The following NIPBL variants were observed in gnomAD, a reference collection of about 807,000 sequenced individuals.
NIPBL encodes the protein nipped-B-like protein.
Under a neutral mutation model 321.8 loss-of-function variants are expected in NIPBL, and 19 were observed. That is an observed-to-expected ratio of 0.06 (90% CI 0.04 to 0.09). NIPBL has a LOEUF of 0.09. Ranked by LOEUF, NIPBL falls within the 10% of genes least tolerant of loss-of-function variation. NIPBL has a pLI of 1.00. For synonymous variants in NIPBL, 1,106 were observed against 1,114.1 expected, an observed-to-expected ratio of 0.99 and a Z score of 0.14; for missense variants, 2,210 against 3,327.0, an observed-to-expected ratio of 0.66 and a Z score of 8.26.
At chr5:36,891,288 T>C (rs1042645729) in intron 1 of NIPBL, among the ~76,000 whole-genome samples, 2 of 151,884 alleles carry the variant, frequency 1.3e-5, no homozygotes, top group East Asian at 3.9e-4. Context: ...GAAAAAGAAA[T>C]AAAAGACTTC....
At chr5:36,935,770 C>T (rs1012894543) in intron 1 of NIPBL, among the ~76,000 whole-genome samples, 9 of 152,182 alleles carry the variant, frequency 5.9e-5, no homozygotes, top group African/African-American at 1.9e-4. Flanking sequence ...TGCCTATTCA[C>T]CTTCCAAAGG....
chr5:37,053,487 TAATAA>T (rs1458436339), intron 42 of NIPBL, among the ~76,000 whole-genome samples: 6 of 152,206 alleles, frequency 3.9e-5, no homozygotes, highest in Admixed American at 2.0e-4. Context: ...ATTAACATAA[TAATAA>T]AATAGAACAA....
chr5:36,912,880 A>G (rs1748155356), intron 1 of NIPBL, among the ~76,000 whole-genome samples: 1 of 152,062 alleles, frequency 6.6e-6, no homozygotes, highest in Admixed American at 6.6e-5. Context: ...TTTACTTTCT[A>G]TTATTGTTTT....
At chr5:36,931,984 T>A (rs1460616285) in intron 1 of NIPBL, among the ~76,000 whole-genome samples, 4 of 152,146 alleles carry the variant, frequency 2.6e-5, no homozygotes, top group Non-Finnish European at 5.9e-5. Flanking sequence ...AAGTTTAATA[T>A]GTTGTGATTT....
chr5:36,977,490 ATTG>A (rs2149630860), intron 9 of NIPBL, among the ~76,000 whole-genome samples: 1 of 152,048 alleles, frequency 6.6e-6, no homozygotes, highest in South Asian at 2.1e-4. Flanking sequence ...GTATTTAGTA[ATTG>A]TTGTACTACA....
intron 25 of NIPBL, among the ~76,000 whole-genome samples, chr5:37,019,939 C>G (rs1749439048): frequency 6.6e-6 from 1 of 152,106 alleles, no homozygotes. Context: ...AAATGGGATA[C>G]TACTAAGCTC....
At chr5:37,062,250 T>TA (rs1359167287) in intron 45 of NIPBL, among the ~76,000 whole-genome samples, 1 of 152,216 alleles carries the variant, frequency 6.6e-6, no homozygotes, top group Non-Finnish European at 1.5e-5. Flanking sequence ...TTCAGAAAAA[T>TA]ACATGGCTTA....
Position 37,064,565 on chromosome 5 carries a change from G to A in NIPBL, c.8088G>A (p.Glu2696=). 2 of 1,614,088 alleles carry A rather than the reference G, an allele frequency of 1.2e-6. No homozygotes were observed. The highest frequency in any genetic ancestry group is 1.7e-6 in the Non-Finnish European group (2 of 1,180,044). Residue 2696 remains glutamate (E), a synonymous_variant, in exon 47 of 47, where the codon GAG becomes GAA. Transcript: ENST00000282516. ...RRSKRNSDST[E]LAAQMNESVD... ...CAAAACGAAATTCAGACTCTACGGA[G>A]TTGGCAGCACAGATGAATGAAAGTG... is the stretch of plus-strand genomic sequence containing the variant.
intron 31 of NIPBL, 139 bp from the exon 32 acceptor site, chr5:37,027,220 C>CTG: frequency 1.5e-6 from 1 of 682,390 alleles, no homozygotes; most frequent in Non-Finnish European, 2.6e-6. Flanking sequence ...GGTTGTGTTA[C>CTG]TGAAAAAATA....
chr5:36,964,930 C>T (rs187786820), intron 6 of NIPBL, among the ~76,000 whole-genome samples: 1 of 152,148 alleles, frequency 6.6e-6, no homozygotes, highest in East Asian at 1.9e-4. Flanking sequence ...CAAAAAATGC[C>T]GAACATCACT....
chr5:36,981,776 C>G (rs1744174190), intron 9 of NIPBL, among the ~76,000 whole-genome samples: 1 of 151,786 alleles, frequency 6.6e-6, no homozygotes, highest in African/African-American at 2.4e-5. Context: ...GGCTCAGCTT[C>G]ACTAATGTTT....
intron 1 of NIPBL, among the ~76,000 whole-genome samples, chr5:36,928,580 T>C (rs2149568769): frequency 6.6e-6 from 1 of 152,346 alleles, no homozygotes; most frequent in South Asian, 2.1e-4. Context: ...CCGCTTAATA[T>C]AAAGTTCACC....
At chr5:36,982,312 C>A in intron 9 of NIPBL, 2 of 681,970 alleles carry the variant, frequency 2.9e-6, no homozygotes, top group Non-Finnish European at 3.6e-6. Context: ...AGACTCATAA[C>A]AAAAGTGGGT....
chr5:36,983,312 T>C (rs917905912), intron 9 of NIPBL, among the ~76,000 whole-genome samples: 3 of 151,890 alleles, frequency 2.0e-5, no homozygotes, highest in East Asian at 1.9e-4. Context: ...TTACAAAATA[T>C]AACTAACAAA....
chr5:36,882,736 C>A (rs959241981), intron 1 of NIPBL, among the ~76,000 whole-genome samples: 1 of 151,984 alleles, frequency 6.6e-6, no homozygotes, highest in African/African-American at 2.4e-5. Flanking sequence ...CACCCTGGCT[C>A]TTCAAAATTT....
At chr5:36,906,192 G>A (rs769886191) in intron 1 of NIPBL, among the ~76,000 whole-genome samples, 7 of 152,012 alleles carry the variant, frequency 4.6e-5, no homozygotes, top group African/African-American at 1.2e-4. Flanking sequence ...CCATTTCTGC[G>A]AATGAAGTAT....
chr5:36,901,033 T>C lies in NIPBL; in HGVS notation c.-80+23855T>C, dbSNP rs541941546. ...TGCGAGTCGCAGGGGGTTTGTTGTATAGATTATTTTGTGACCCAGGTAATG... is the reference window on the plus strand; with the variant it reads ...TGCGAGTCGCAGGGGGTTTGTTGTACAGATTATTTTGTGACCCAGGTAATG... On this transcript the variant is annotated intron_variant, in intron 1 of 46. Coordinates refer to ENST00000282516, the MANE Select transcript of NIPBL (RefSeq NM_133433.4). 1.1e-4 allele frequency among the ~76,000 whole-genome samples: 16 copies of C among 152,246 alleles called. No individual in the cohort carries two copies. In the South Asian group the frequency reaches 3.3e-3, roughly 32 times the overall value.
In NIPBL at chr5:36,984,825, G is replaced by C. The variant is rs1386190621; in HGVS notation, c.1645G>C (p.Gly549Arg). 1 of 1,613,864 alleles carries C rather than the reference G, an allele frequency of 6.2e-7. No homozygotes were observed. Among genetic ancestry groups the C allele is most frequent in the Non-Finnish European group, 8.5e-7 (1 of 1,179,852 alleles). The change falls in exon 10 of 47, where the codon GGA becomes CGA. Residue 549 changes from glycine (G) to arginine (R), a missense_variant. Gly to Arg is a moderately radical substitution (Grantham distance 125). Around this residue, in one of 14 missense-constraint regions of NIPBL, gnomAD observed 588 missense variants for 564.1 expected, o/e 1.04. Coordinates refer to ENST00000282516, the MANE Select transcript of NIPBL (RefSeq NM_133433.4). ...LMVSIDLHQAGRVDSQASITQ... is the reference protein window; with the variant it reads ...LMVSIDLHQARRVDSQASITQ... ...GGTTAGCATTGATCTTCATCAGGCA[G>C]GAAGAGTGGACTCTCAGGCTTCTAT...
chr5:36,957,906 C>A (rs146531693), intron 3 of NIPBL, among the ~76,000 whole-genome samples, 198 bp from the exon 4 acceptor site: 166 of 151,560 alleles, frequency 1.1e-3, no homozygotes, highest in Non-Finnish European at 1.8e-3. Flanking sequence ...TCACTTGAAC[C>A]TGGGAGACGG....
Sources: gnomAD v4.1 joint callset for allele counts (sites outside exome capture counted in the v4.1 genomes callset) on GRCh38, gnomAD v4.1.1 for gene constraint, gnomAD v4.1.1 regional missense constraint, MANE v1.5 for transcripts, NCBI Gene and HGNC (gene_info 2026-07-23, HGNC 2026-07-21) for gene names.